Variants in SCUBE2 observed in about 807,000 individuals in gnomAD.
The protein encoded by SCUBE2 is signal peptide, CUB domain and EGF like domain containing 2.
SCUBE2 carries 114 observed loss-of-function variants against 125.9 expected under a neutral mutation model. That is an observed-to-expected ratio of 0.91 (90% CI 0.78 to 1.06). The LOEUF (loss-of-function observed/expected upper bound fraction) is 1.06, where lower values mean the gene tolerates loss of function less well. Among genes scored for constraint, SCUBE2 ranks in the 50% least tolerant of loss-of-function variants. The pLI is 0.00. For synonymous variants in SCUBE2, 459 were observed against 492.9 expected (o/e 0.93, Z 0.91); for missense variants, 1,255 against 1,301.8 (o/e 0.96, Z 0.55).
At chr11:9,044,403 C>T (rs1857508060) in intron 16 of SCUBE2, among the ~76,000 whole-genome samples, 1 of 152,030 alleles carries the variant, frequency 6.6e-6, no homozygotes, top group Admixed American at 6.6e-5. Flanking sequence ...CAGGTGCTAC[C>T]AACCAACATA....
rs143126780 is a variant in SCUBE2, at chr11:9,070,308, G to A, written c.518-813C>T. Reference sequence around the variant, plus strand: ...AGCTGCTTCTGTTCTTGCAGGGCTCGGCACACATCTAAATGAGGGGGCACA... The same window carrying A: ...AGCTGCTTCTGTTCTTGCAGGGCTCAGCACACATCTAAATGAGGGGGCACA... On this transcript the variant is annotated intron_variant, in intron 4 of 22. Coordinates refer to ENST00000649792, the MANE Select transcript of SCUBE2 (RefSeq NM_001367977.2). Among the ~76,000 whole-genome samples the A allele has an allele frequency of 4.6e-5, 7 of 152,198 alleles. No homozygotes were observed. In the East Asian group the frequency reaches 7.7e-4, roughly 17 times the overall value.
At chr11:9,052,484 G>A (rs943120752) in intron 13 of SCUBE2, among the ~76,000 whole-genome samples, 9 of 152,222 alleles carry the variant, frequency 5.9e-5, no homozygotes, top group Non-Finnish European at 1.2e-4. Context: ...CTGGGGTTCT[G>A]TGGGCCTCTG....
At chr11:9,057,722 G>T (rs538869499) in intron 9 of SCUBE2, among the ~76,000 whole-genome samples, 1 of 151,876 alleles carries the variant, frequency 6.6e-6, no homozygotes, top group East Asian at 1.9e-4. Context: ...TAGTAGAGAC[G>T]GGGTTTTGCC....
chr11:9,079,841 T>A (rs1274344788), intron 2 of SCUBE2, among the ~76,000 whole-genome samples: 2 of 152,084 alleles, frequency 1.3e-5, no homozygotes, highest in African/African-American at 4.8e-5. Flanking sequence ...TACTATTAAA[T>A]GAAAAAATCA....
intron 3 of SCUBE2, among the ~76,000 whole-genome samples, chr11:9,075,495 T>C (rs1022793607): frequency 6.6e-6 from 1 of 152,030 alleles, no homozygotes; most frequent in Non-Finnish European, 1.5e-5. Flanking sequence ...TCAGCCCATG[T>C]GGTTGGAGCA....
chr11:9,085,456 G>T (rs1861972118), intron 2 of SCUBE2, among the ~76,000 whole-genome samples: 1 of 152,198 alleles, frequency 6.6e-6, no homozygotes, highest in African/African-American at 2.4e-5. Flanking sequence ...GCTGGGTGCG[G>T]TGGCTCATGC....
intron 16 of SCUBE2, among the ~76,000 whole-genome samples, chr11:9,040,020 C>A (rs559454050): frequency 6.6e-6 from 1 of 152,100 alleles, no homozygotes; most frequent in African/African-American, 2.4e-5. Context: ...TGTCCGTGGG[C>A]GCATCTTCTG....
chr11:9,064,172 G>T (rs1046033565), intron 7 of SCUBE2, among the ~76,000 whole-genome samples: 5 of 152,092 alleles, frequency 3.3e-5, no homozygotes, highest in African/African-American at 1.2e-4. Flanking sequence ...GACACATCAA[G>T]AAGTAACTGT....
At chr11:9,049,815 A>T (rs1250856496) in intron 14 of SCUBE2, 2 of 152,220 alleles carry the variant, frequency 1.3e-5, no homozygotes, top group Non-Finnish European at 2.9e-5. Context: ...TTCCTGTGTC[A>T]TTAAACATTC....
intron 2 of SCUBE2, among the ~76,000 whole-genome samples, chr11:9,081,682 AAAAC>A (rs1436473625): frequency 1.5e-5 from 2 of 136,692 alleles, no homozygotes; most frequent in African/African-American, 5.3e-5. Flanking sequence ...ACAAAAAAAA[AAAAC>A]CAAAAATATT....
At chr11:9,024,465 T>C (rs1444580394) in intron 21 of SCUBE2, 11 of 1,215,510 alleles carry the variant, frequency 9.0e-6, no homozygotes, top group Admixed American at 4.7e-5. Context: ...AGGAAAGCCA[T>C]AGAATATTGT....
At chr11:9,045,702 A>G (rs1029881037) in intron 16 of SCUBE2, among the ~76,000 whole-genome samples, 6 of 151,860 alleles carry the variant, frequency 4.0e-5, no homozygotes, top group African/African-American at 1.2e-4. Flanking sequence ...AGCCTTTCTA[A>G]TTAACACACC....
At chr11:9,025,123 G>GC (rs565659783) in intron 21 of SCUBE2, among the ~76,000 whole-genome samples, 50 of 152,230 alleles carry the variant, frequency 3.3e-4, no homozygotes, top group South Asian at 8.3e-4. Flanking sequence ...GCTCAGATGG[G>GC]CCACCTCTTC....
chr11:9,084,674 C>T (rs1385184036), intron 2 of SCUBE2, among the ~76,000 whole-genome samples: 2 of 152,192 alleles, frequency 1.3e-5, no homozygotes, highest in South Asian at 2.1e-4. Flanking sequence ...TACAACAGCA[C>T]CTCTGTAGCA....
chr11:9,089,683 C>T (rs376658616), intron 2 of SCUBE2, 24 bp downstream of exon 2: 1 of 1,611,264 alleles, frequency 6.2e-7, no homozygotes, highest in Non-Finnish European at 8.5e-7. Flanking sequence ...TACAGTCCCC[C>T]CACATGGTCC....
At chr11:9,087,274 A>T (rs983642267) in intron 2 of SCUBE2, among the ~76,000 whole-genome samples, 44 of 152,258 alleles carry the variant, frequency 2.9e-4, no homozygotes, top group African/African-American at 1.0e-3. Context: ...CTAAAAGTGT[A>T]CTTTATCTAA....
At position 9,069,376 on chromosome 11, in the gene SCUBE2, A is replaced by G; in HGVS notation, c.637T>C (p.Cys213Arg). The change falls in exon 5 of 23, where the codon TGC becomes CGC. Residue 213 changes from cysteine to arginine, a missense_variant. Physicochemically the swap from Cys to Arg is radical, Grantham distance 180. This residue lies in a region of SCUBE2 where 362 missense variants were observed against 323.0 expected (regional missense o/e 1.12). Coordinates refer to ENST00000649792, the MANE Select transcript of SCUBE2 (RefSeq NM_001367977.2). ...GFELAKNQRD[C>R]ILTCNHGNGG... ...TGCACTGGCCCATACTTACAGATGC[A>G]GTCTCTCTGGTTCTTGGCCAGCTCA... is the stretch of plus-strand genomic sequence containing the variant. 1.2e-6 allele frequency: 2 copies of G among 1,614,230 alleles called. No homozygotes were observed. Among genetic ancestry groups the G allele is most frequent in the East Asian group, 2.2e-5 (1 of 44,890 alleles).
Position 9,059,331 on chromosome 11 carries a change from T to C in SCUBE2, c.1062A>G (p.Lys354=). ...GGCAAGACTTCTCATCTGTTAATAATTTAAATCCTTTCTTGCAGCCGCAGT... is the reference window on the plus strand; with the variant it reads ...GGCAAGACTTCTCATCTGTTAATAACTTAAATCCTTTCTTGCAGCCGCAGT... ...SFDCGCKKGF[K]LLTDEKSCQD... Residue 354 remains lysine (K), a synonymous_variant, in exon 9 of 23, where the codon AAA becomes AAG. Transcript: ENST00000649792. 6.2e-7 allele frequency: 1 copy of C among 1,614,212 alleles called. No individual in the cohort carries two copies. The highest frequency in any genetic ancestry group is 8.5e-7 in the Non-Finnish European group (1 of 1,180,034).
chr11:9,051,762 G>C (rs1434661328), intron 13 of SCUBE2, among the ~76,000 whole-genome samples: 1 of 152,210 alleles, frequency 6.6e-6, no homozygotes, highest in African/African-American at 2.4e-5. Flanking sequence ...TTAAAAAAAG[G>C]AAAATGTTTA....
Sources: gnomAD v4.1 joint callset for allele counts (sites outside exome capture counted in the v4.1 genomes callset) on GRCh38, gnomAD v4.1.1 for gene constraint, gnomAD v4.1.1 regional missense constraint, MANE v1.5 for transcripts, NCBI Gene and HGNC (gene_info 2026-07-23, HGNC 2026-07-21) for gene names.